Variants in SCRG1 observed in about 807,000 individuals in gnomAD.
SCRG1 encodes the protein scrapie-responsive protein 1.
Under a neutral mutation model 7.7 loss-of-function variants are expected in SCRG1, and 3 were observed. That is an observed-to-expected ratio of 0.39 (90% CI 0.18 to 1.01). The LOEUF is 1.01. SCRG1 is among the 50% of genes least tolerant of loss of function. The probability of loss-of-function intolerance (pLI) is 0.36; values close to 1 mark genes in which losing one functional copy is unlikely to be tolerated. For missense variants in SCRG1, 110 were observed against 117.2 expected (o/e 0.94, Z 0.28); for synonymous variants, 46 against 41.2 (o/e 1.12, Z -0.44).
chr4:173,396,712 T>TTGTGTGTGTGTGTGTGTGTGTGTGTG (rs71594043), intron 1 of SCRG1, among the ~76,000 whole-genome samples: 1 of 107,016 alleles, frequency 9.3e-6, no homozygotes, highest in African/African-American at 3.9e-5. Context: ...ACTGGTAGTT[T>TTGTGTGTGTGTGTGTGTGTGTGTGTG]TGTGTGTGTG....
At chr4:173,484,639 C>T in the SCRG1 span, among the ~76,000 whole-genome samples, 3 of 84,294 alleles carry the variant, frequency 3.6e-5, no homozygotes, top group Non-Finnish European at 4.1e-5. Flanking sequence ...ATATTATATG[C>T]ATATAATATA....
chr4:173,517,934 C>CCTTCTA, the SCRG1 span, among the ~76,000 whole-genome samples: 1 of 152,234 alleles, frequency 6.6e-6, no homozygotes, highest in East Asian at 1.9e-4. Context: ...TCCCGGACCT[C>CCTTCTA]GGGCCTAGCT....
At chr4:173,486,581 A>T in the SCRG1 span, among the ~76,000 whole-genome samples, 1 of 152,122 alleles carries the variant, frequency 6.6e-6, no homozygotes, top group East Asian at 1.9e-4. Context: ...AATATATCTG[A>T]TCTCAGCAGA....
At chr4:173,500,889 C>G in the SCRG1 span, among the ~76,000 whole-genome samples, 54 of 152,342 alleles carry the variant, frequency 3.5e-4, no homozygotes, top group African/African-American at 1.3e-3. Flanking sequence ...TTCTACCCAC[C>G]GCCGGAGAAA....
the SCRG1 span, among the ~76,000 whole-genome samples, chr4:173,506,643 C>G: frequency 2.0e-5 from 3 of 152,164 alleles, no homozygotes; most frequent in African/African-American, 4.8e-5. This position sits in a 1 kb window ranked among gnomAD's most constrained non-coding sequence, Gnocchi z 5.3. Flanking sequence ...TATTACTTCT[C>G]TTTTCCTGAT....
At chr4:173,514,244 C>T in the SCRG1 span, among the ~76,000 whole-genome samples, 1 of 152,180 alleles carries the variant, frequency 6.6e-6, no homozygotes, top group African/African-American at 2.4e-5. Flanking sequence ...TTTGCTCCTC[C>T]AGTTAAGTTC....
upstream of SCRG1, among the ~76,000 whole-genome samples, chr4:173,408,821 G>A (rs1283544269): frequency 1.3e-5 from 2 of 151,844 alleles, no homozygotes; most frequent in East Asian, 3.9e-4. Flanking sequence ...GTGAAACCCC[G>A]TCTCTACTAA....
At chr4:173,476,659 C>A in the SCRG1 span, among the ~76,000 whole-genome samples, 1 of 151,808 alleles carries the variant, frequency 6.6e-6, no homozygotes, top group African/African-American at 2.4e-5. Context: ...GAATCTCCAG[C>A]CTGATATAAG....
the SCRG1 span, among the ~76,000 whole-genome samples, chr4:173,477,117 A>G: frequency 2.0e-5 from 3 of 152,182 alleles, no homozygotes; most frequent in Non-Finnish European, 2.9e-5. Flanking sequence ...TCAGTAGATA[A>G]AAGGTGGAAG....
the SCRG1 span, among the ~76,000 whole-genome samples, chr4:173,464,098 G>C: frequency 6.7e-6 from 1 of 148,970 alleles, no homozygotes; most frequent in Admixed American, 6.8e-5. Context: ...TGGAGAATGG[G>C]GCTTCTAAAA....
At chr4:173,448,943 A>G in the SCRG1 span, among the ~76,000 whole-genome samples, 1 of 152,252 alleles carries the variant, frequency 6.6e-6, no homozygotes, top group Non-Finnish European at 1.5e-5. Flanking sequence ...AGTCTCAGAA[A>G]GTATTCTTTT....
At chr4:173,517,075 G>C in the SCRG1 span, among the ~76,000 whole-genome samples, 3 of 152,218 alleles carry the variant, frequency 2.0e-5, no homozygotes, top group Non-Finnish European at 2.9e-5. Context: ...AGAGGACCAC[G>C]AGGCTCCCGG....
At chr4:173,478,719 C>T in the SCRG1 span, among the ~76,000 whole-genome samples, 1 of 152,096 alleles carries the variant, frequency 6.6e-6, no homozygotes, top group Non-Finnish European at 1.5e-5. Flanking sequence ...GAAGTGGGTG[C>T]GAGCCATGTT....
the SCRG1 span, among the ~76,000 whole-genome samples, chr4:173,510,481 C>T: frequency 6.6e-6 from 1 of 151,946 alleles, no homozygotes; most frequent in East Asian, 1.9e-4. This position sits in a 1 kb window ranked among gnomAD's most constrained non-coding sequence, Gnocchi z 5.7. Context: ...TGGTGCCTAC[C>T]CCTCCACAAG....
At chr4:173,497,695 G>A in the SCRG1 span, among the ~76,000 whole-genome samples, 1 of 142,360 alleles carries the variant, frequency 7.0e-6, no homozygotes, top group Non-Finnish European at 1.5e-5. Context: ...TTTTGAGACG[G>A]AGTCTCACTC....
Position 173,388,193 on chromosome 4 carries a change from T to C in SCRG1, c.*148A>G. 2.0e-6 allele frequency: 1 copy of C among 503,134 alleles called. No homozygotes were observed. Among genetic ancestry groups the C allele is most frequent in the Non-Finnish European group, 3.5e-6 (1 of 285,064 alleles). 31.2% of individuals were successfully genotyped at this position (503,134 alleles called of 1,614,324 possible). On this transcript the variant is annotated 3_prime_UTR_variant, in exon 3 of 3. Coordinates refer to ENST00000296506, the MANE Select transcript of SCRG1 (RefSeq NM_007281.4). ...TGAATTAACTTTTATTACTACTTGTTTAACACAGATTTACTTGTCTTAGAC... is the reference window on the plus strand; with the variant it reads ...TGAATTAACTTTTATTACTACTTGTCTAACACAGATTTACTTGTCTTAGAC...
the SCRG1 span, chr4:173,468,223 A>C: frequency 1.3e-5 from 2 of 152,424 alleles, no homozygotes; most frequent in African/African-American, 4.8e-5. Context: ...AATAGTTACC[A>C]CTGTGTAACA....
the SCRG1 span, among the ~76,000 whole-genome samples, chr4:173,474,572 A>G: frequency 2.0e-5 from 3 of 152,220 alleles, no homozygotes; most frequent in South Asian, 4.1e-4. Flanking sequence ...CACTGCCTAC[A>G]ATTACACTGT....
At chr4:173,500,872 T>C in the SCRG1 span, among the ~76,000 whole-genome samples, 1 of 152,152 alleles carries the variant, frequency 6.6e-6, no homozygotes, top group Non-Finnish European at 1.5e-5. Flanking sequence ...TCCTTCCCTT[T>C]ACGTCCTTCT....
Sources: gnomAD v4.1 joint callset for allele counts (sites outside exome capture counted in the v4.1 genomes callset) on GRCh38, gnomAD v4.1.1 for gene constraint, Gnocchi (gnomAD v3.1) non-coding constraint, MANE v1.5 for transcripts, NCBI Gene and HGNC (gene_info 2026-07-23, HGNC 2026-07-21) for gene names.